RCAN1: variants seen among roughly 807,000 people sequenced by gnomAD.
The protein encoded by RCAN1 is calcipressin-1.
In RCAN1, 11 loss-of-function variants were observed where a neutral mutation model predicts 22.9. The ratio of observed to expected loss-of-function variants is 0.48; its 90% confidence interval spans 0.30 to 0.79. The LOEUF (loss-of-function observed/expected upper bound fraction) is 0.79. Among genes scored for constraint, RCAN1 ranks in the 30% least tolerant of loss-of-function variants. The pLI is 0.06. For missense variants in RCAN1, 291 were observed against 337.8 expected (o/e 0.86, Z 1.09); for synonymous variants, 136 against 142.3 (o/e 0.96, Z 0.32).
intron 1 of RCAN1, among the ~76,000 whole-genome samples, chr21:34,605,550 T>C (rs911851536): frequency 6.6e-6 from 1 of 152,186 alleles, no homozygotes; most frequent in African/African-American, 2.4e-5. Context: ...AACACTCTCT[T>C]CACAGAGCTA....
intron 1 of RCAN1, among the ~76,000 whole-genome samples, chr21:34,603,225 C>T (rs766350033): frequency 6.6e-5 from 10 of 152,218 alleles, no homozygotes; most frequent in Non-Finnish European, 1.2e-4. Flanking sequence ...TACTGCCCCC[C>T]GGCGGCGACC....
At chr21:34,599,532 T>C (rs557104687) in intron 1 of RCAN1, among the ~76,000 whole-genome samples, 1 of 152,182 alleles carries the variant, frequency 6.6e-6, no homozygotes, top group Non-Finnish European at 1.5e-5. Context: ...AAAAGCCAAG[T>C]AGCAAAATAT....
intron 1 of RCAN1, among the ~76,000 whole-genome samples, chr21:34,597,773 A>T (rs1347936934): frequency 6.6e-6 from 1 of 152,274 alleles, no homozygotes; most frequent in Admixed American, 6.5e-5. Flanking sequence ...ATACGATTTT[A>T]TACCTAGAAA....
chr21:34,596,304 G>A (rs979218779), intron 1 of RCAN1, among the ~76,000 whole-genome samples: 1 of 152,192 alleles, frequency 6.6e-6, no homozygotes, highest in African/African-American at 2.4e-5. Flanking sequence ...GAGAGTCTCT[G>A]TAGCGTGGTT....
At chr21:34,544,389 C>T (rs577919038) in intron 1 of RCAN1, among the ~76,000 whole-genome samples, 8 of 152,182 alleles carry the variant, frequency 5.3e-5, no homozygotes, top group Non-Finnish European at 1.2e-4. Flanking sequence ...GCTAGAGTGG[C>T]CACGGGGATC....
At chr21:34,604,428 G>A (rs1988461059) in intron 1 of RCAN1, among the ~76,000 whole-genome samples, 1 of 152,064 alleles carries the variant, frequency 6.6e-6, no homozygotes. Flanking sequence ...CACAGCACCC[G>A]GCCATCTTGG....
intron 1 of RCAN1, among the ~76,000 whole-genome samples, chr21:34,597,145 G>A (rs1024075148): frequency 2.0e-5 from 3 of 152,128 alleles, no homozygotes; most frequent in East Asian, 1.9e-4. Context: ...ATGAATGAGC[G>A]AGGAACCCGT....
intron 1 of RCAN1, chr21:34,525,191 G>C (rs745961714): frequency 1.3e-5 from 20 of 1,550,652 alleles, no homozygotes; most frequent in Admixed American, 3.9e-5. Context: ...CAAGCGCGGG[G>C]AGGCACTGGT....
intron 1 of RCAN1, among the ~76,000 whole-genome samples, chr21:34,557,913 T>C (rs1986640357): frequency 6.6e-6 from 1 of 152,192 alleles, no homozygotes; most frequent in Non-Finnish European, 1.5e-5. Context: ...CACTTTTTTA[T>C]AGGTGAGGAA....
intron 1 of RCAN1, chr21:34,559,353 G>A (rs1379894245): frequency 6.6e-6 from 1 of 152,192 alleles, no homozygotes; most frequent in Non-Finnish European, 1.5e-5. Flanking sequence ...GTTCAGATGA[G>A]TGCAACTTCA....
At chr21:34,537,780 C>T (rs1985738133) in intron 1 of RCAN1, among the ~76,000 whole-genome samples, 1 of 152,214 alleles carries the variant, frequency 6.6e-6, no homozygotes, top group Admixed American at 6.5e-5. Flanking sequence ...ACAATTTACA[C>T]CGAATTATAC....
At chr21:34,533,843 T>C (rs1218933379) in intron 1 of RCAN1, among the ~76,000 whole-genome samples, 1 of 152,086 alleles carries the variant, frequency 6.6e-6, no homozygotes, top group Non-Finnish European at 1.5e-5. Flanking sequence ...GAGTGAACCG[T>C]TGGATGCTGG....
chr21:34,559,737 G>A (rs1241238807), intron 1 of RCAN1: 1 of 152,208 alleles, frequency 6.6e-6, no homozygotes, highest in Non-Finnish European at 1.5e-5. Flanking sequence ...AACCTGGAGA[G>A]GATATAGGGA....
At chr21:34,567,261 C>T (rs1211604167) in intron 1 of RCAN1, among the ~76,000 whole-genome samples, 4 of 152,114 alleles carry the variant, frequency 2.6e-5, no homozygotes, top group Admixed American at 1.3e-4. Context: ...TTTGGGAGGC[C>T]AAGGCGGGAG....
In RCAN1 at chr21:34,531,717, TCTCA is replaced by T. The variant is rs1188278514; in HGVS notation, c.253-8011_253-8008del. On this transcript the variant is annotated intron_variant, in intron 1 of 3. Coordinates refer to ENST00000313806, the MANE Select transcript of RCAN1 (RefSeq NM_004414.7). ...TTGTCACATATCCTGCCAGTGCTGC[TCTCA>T]CTTTTATGTTCCTCCAAGACAAATG... is the stretch of plus-strand genomic sequence containing the variant. Among the ~76,000 whole-genome samples, 131 of 152,284 alleles carry T rather than the reference TCTCA, an allele frequency of 8.6e-4. 3 individuals carry two copies. Among genetic ancestry groups the T allele is most frequent in the Admixed American group, 8.5e-3 (130 of 15,300 alleles).
intron 2 of RCAN1, 110 bp downstream of exon 2, chr21:34,523,427 T>C (rs77506971): frequency 0.01 from 10,595 of 1,015,438 alleles, 337 homozygotes; most frequent in African/African-American, 0.074. Flanking sequence ...TTTCTCAAGG[T>C]GAAGTCTCAG....
intron 1 of RCAN1, among the ~76,000 whole-genome samples, chr21:34,597,060 T>G (rs1383033060): frequency 6.6e-6 from 1 of 152,128 alleles, no homozygotes; most frequent in Non-Finnish European, 1.5e-5. Context: ...CTGTGTGATG[T>G]GGGCCCAATC....
At chr21:34,526,715 G>T in intron 1 of RCAN1, 6 of 1,613,736 alleles carry the variant, frequency 3.7e-6, no homozygotes, top group Non-Finnish European at 5.1e-6. Context: ...GGCAATCAGG[G>T]AGCTAAAACT....
chr21:34,531,008 G>A (rs1312946636), intron 1 of RCAN1, among the ~76,000 whole-genome samples: 1 of 152,188 alleles, frequency 6.6e-6, no homozygotes, highest in Non-Finnish European at 1.5e-5. Context: ...CCCCACAAGG[G>A]TTTGCTCTCT....
Sources: allele counts gnomAD v4.1 joint callset (sites outside exome capture counted in the v4.1 genomes callset), GRCh38; gene constraint gnomAD v4.1.1; transcripts MANE v1.5; gene names NCBI Gene and HGNC (gene_info 2026-07-23, HGNC 2026-07-21).